The following CORO1C variants were observed in gnomAD, a reference collection of about 807,000 sequenced individuals.
The protein encoded by CORO1C is coronin-1C.
CORO1C carries 14 observed loss-of-function variants against 51.2 expected under a neutral mutation model. The observed-to-expected ratio is 0.27, with a 90% CI of 0.18 to 0.43. The LOEUF (loss-of-function observed/expected upper bound fraction) is 0.43. Among genes scored for constraint, CORO1C ranks in the 20% least tolerant of loss-of-function variants. CORO1C has a pLI of 1.00. For synonymous variants in CORO1C, 181 were observed against 210.5 expected (o/e 0.86, Z 1.21); for missense variants, 417 against 607.8 (o/e 0.69, Z 3.30).
At chr12:108,683,467 A>AACAAAATAAG (rs2034195870) in intron 2 of CORO1C, among the ~76,000 whole-genome samples, 1 of 73,230 alleles carries the variant, frequency 1.4e-5, no homozygotes, top group African/African-American at 4.7e-5. Flanking sequence ...AAAAAAATAA[A>AACAAAATAAG]TAACAAAATC....
At chr12:108,717,404 G>A (rs957893215) in intron 1 of CORO1C, among the ~76,000 whole-genome samples, 1 of 152,178 alleles carries the variant, frequency 6.6e-6, no homozygotes, top group Non-Finnish European at 1.5e-5. Context: ...TTTTAAGTAT[G>A]AGTATGTGAC....
chr12:108,709,219 A>G (rs2035114095), intron 1 of CORO1C, among the ~76,000 whole-genome samples: 1 of 152,188 alleles, frequency 6.6e-6, no homozygotes, highest in African/African-American at 2.4e-5. Context: ...AAAAAACTAT[A>G]AAGTACTCAG....
rs548293668 is a variant in CORO1C, at chr12:108,715,821, C to T, written c.-5-14498G>A. Among the ~76,000 whole-genome samples, 215 of 152,060 alleles carry T rather than the reference C, an allele frequency of 1.4e-3. 1 individual carries two copies. The highest frequency in any genetic ancestry group is 0.01 in the Middle Eastern group (3 of 294). ...CAAAACTTTTATAGACATGAGTGAC[C>T]TAGCAATCTCACTTAAAAATTAATC... is the stretch of plus-strand genomic sequence containing the variant. On this transcript the variant is annotated intron_variant, in intron 1 of 10. Coordinates refer to ENST00000261401, the MANE Select transcript of CORO1C (RefSeq NM_014325.4).
At chr12:108,656,055 G>A (rs536801224) in intron 6 of CORO1C, among the ~76,000 whole-genome samples, 57 of 147,992 alleles carry the variant, frequency 3.9e-4, no homozygotes, top group South Asian at 1.1e-3. Flanking sequence ...GGTTAGGAGC[G>A]TCTCTGCCTG....
At chr12:108,684,112 C>A (rs1350905424) in intron 2 of CORO1C, among the ~76,000 whole-genome samples, 1 of 152,038 alleles carries the variant, frequency 6.6e-6, no homozygotes, top group Non-Finnish European at 1.5e-5. Flanking sequence ...AAATCAACAA[C>A]CAAACAGAAC....
chr12:108,659,224 C>T (rs2033154773), intron 4 of CORO1C, among the ~76,000 whole-genome samples: 1 of 152,126 alleles, frequency 6.6e-6, no homozygotes, highest in Non-Finnish European at 1.5e-5. Flanking sequence ...AACAAAGAAC[C>T]ACACCAAAAC....
At chr12:108,725,006 C>T (rs958219168) in intron 1 of CORO1C, among the ~76,000 whole-genome samples, 4 of 152,190 alleles carry the variant, frequency 2.6e-5, no homozygotes, top group African/African-American at 9.7e-5. Context: ...GTGCAATCTC[C>T]TTCAAATCCT....
intron 1 of CORO1C, among the ~76,000 whole-genome samples, chr12:108,703,956 C>T (rs1015033638): frequency 6.6e-6 from 1 of 152,232 alleles, no homozygotes; most frequent in Non-Finnish European, 1.5e-5. Context: ...CCTCCACTCA[C>T]ACAGGCATAA....
At chr12:108,699,926 G>A (rs982387497) in intron 2 of CORO1C, among the ~76,000 whole-genome samples, 1 of 152,116 alleles carries the variant, frequency 6.6e-6, no homozygotes, top group Admixed American at 6.5e-5. Flanking sequence ...TCTGGCCACT[G>A]AAGTAAAAAT....
Position 108,731,384 on chromosome 12 carries a change from C to T in CORO1C, c.-6+45G>A, listed in dbSNP as rs1476688255. On this transcript the variant is annotated intron_variant, in intron 1 of 10. Coordinates refer to ENST00000261401, the MANE Select transcript of CORO1C (RefSeq NM_014325.4). The surrounding 1 kb of genome is among the most constrained non-coding windows in gnomAD (Gnocchi z 5.2). Reference sequence around the variant, plus strand: ...CATGCTCAGAGGACAGGTCCGCCCGCCCGACTCGCTCTCAGGCTGCCCCCG... The same window carrying T: ...CATGCTCAGAGGACAGGTCCGCCCGTCCGACTCGCTCTCAGGCTGCCCCCG... 7 of 152,492 alleles carry T rather than the reference C, an allele frequency of 4.6e-5. No individual in the cohort carries two copies. The highest frequency in any genetic ancestry group is 1.4e-4 in the African/African-American group (6 of 41,442). 9.4% of individuals were successfully genotyped at this position (152,492 alleles called of 1,614,324 possible).
rs775597406 is a variant in CORO1C, at chr12:108,648,800, G to T, written c.1110C>A (p.Ala370=). The part of the protein sequence containing the change: ...DLYPDTAGPE[A]ALEAEEWFEG... Reference sequence around the variant, plus strand: ...CGAACCACTCTTCTGCCTCCAGCGCGGCCTCTGGCCCCGCTGTGTCAGGAT... The same window carrying T: ...CGAACCACTCTTCTGCCTCCAGCGCTGCCTCTGGCCCCGCTGTGTCAGGAT... The change falls in exon 10 of 11, where the codon GCC becomes GCA. Residue 370 remains alanine (A), a synonymous_variant. Transcript: ENST00000261401. 1 of 1,614,186 alleles carries T rather than the reference G, an allele frequency of 6.2e-7. No individual in the cohort carries two copies.
chr12:108,707,795 T>C (rs942389287), intron 1 of CORO1C, among the ~76,000 whole-genome samples: 4 of 152,166 alleles, frequency 2.6e-5, no homozygotes, highest in African/African-American at 9.6e-5. Flanking sequence ...AATAAAAACA[T>C]AGTCCAATTT....
At chr12:108,706,518 T>G (rs1437156201) in intron 1 of CORO1C, among the ~76,000 whole-genome samples, 2 of 152,210 alleles carry the variant, frequency 1.3e-5, no homozygotes. Context: ...CATGATCTTA[T>G]ATACAGAAAA....
chr12:108,657,467 G>T, intron 5 of CORO1C, 44 bp from the exon 6 acceptor site: 1 of 1,600,486 alleles, frequency 6.2e-7, no homozygotes, highest in South Asian at 1.1e-5. Flanking sequence ...ACTGCAAGAA[G>T]ACAAGGTGAG....
intron 2 of CORO1C, among the ~76,000 whole-genome samples, chr12:108,689,933 C>T (rs899377248): frequency 1.3e-5 from 2 of 152,194 alleles, no homozygotes; most frequent in African/African-American, 4.8e-5. Context: ...CATAAGGGCT[C>T]CATTCACACT....
intron 3 of CORO1C, among the ~76,000 whole-genome samples, chr12:108,676,120 T>C (rs2033900825): frequency 6.6e-6 from 1 of 152,198 alleles, no homozygotes; most frequent in African/African-American, 2.4e-5. Flanking sequence ...GGTATACACC[T>C]GAGTGATTAC....
intron 8 of CORO1C, 76 bp downstream of exon 8, chr12:108,652,196 T>A (rs1465408394): frequency 1.2e-5 from 17 of 1,378,880 alleles, no homozygotes; most frequent in Non-Finnish European, 1.6e-5. Flanking sequence ...AGATCTGAAG[T>A]ATATGCTAGT....
In CORO1C at chr12:108,662,157, A is replaced by T. The variant is rs1478317750; in HGVS notation, c.320T>A (p.Val107Glu). 1 of 1,613,354 alleles carries T rather than the reference A, an allele frequency of 6.2e-7. No homozygotes were observed. The highest frequency in any genetic ancestry group is 8.5e-7 in the Non-Finnish European group (1 of 1,179,534). The change falls in exon 4 of 11, where the codon GTA becomes GAA. Residue 107 changes from valine to glutamate, a missense_variant and splice_region_variant. Val to Glu is a moderately radical substitution (Grantham distance 121). Transcript: ENST00000261401. ...GAGTCCATTTTCTGGGATCTGCCAT[A>T]CCTGTTGGACAAGGAAGAAAGATGA... is the stretch of plus-strand genomic sequence containing the variant. Reference protein sequence around the residue: ...ASGSEDCTVMVWQIPENGLTL... With the variant: ...ASGSEDCTVMEWQIPENGLTL...
intron 1 of CORO1C, among the ~76,000 whole-genome samples, chr12:108,727,477 A>C (rs2035620124): frequency 1.3e-5 from 2 of 152,152 alleles, no homozygotes; most frequent in Non-Finnish European, 2.9e-5. Flanking sequence ...AAGCAGGCTG[A>C]AATCAGAGCC....
Sources: gnomAD v4.1 joint callset for allele counts (sites outside exome capture counted in the v4.1 genomes callset) on GRCh38, gnomAD v4.1.1 for gene constraint, Gnocchi (gnomAD v3.1) non-coding constraint, MANE v1.5 for transcripts, NCBI Gene and HGNC (gene_info 2026-07-23, HGNC 2026-07-21) for gene names.